Variants in MGA observed in about 807,000 individuals in gnomAD.
The protein encoded by MGA is MAX gene-associated protein.
A neutral mutation model predicts 261.1 loss-of-function variants in MGA; 40 were observed. The ratio of observed to expected loss-of-function variants is 0.15; its 90% CI spans 0.12 to 0.20. MGA has a LOEUF of 0.20. Ranked by LOEUF, MGA falls within the 10% of genes least tolerant of loss-of-function variation. The probability of loss-of-function intolerance (pLI) is 1.00; values close to 1 mark genes in which losing one functional copy is unlikely to be tolerated. For synonymous variants in MGA, 1,302 were observed against 1,290.6 expected (o/e 1.01, Z -0.19); for missense variants, 3,397 against 3,630.5 (o/e 0.94, Z 1.65).
chr15:41,732,418 G>A (rs546646052), intron 11 of MGA, among the ~76,000 whole-genome samples: 39 of 152,238 alleles, frequency 2.6e-4, no homozygotes, highest in African/African-American at 8.9e-4. Flanking sequence ...AAAGTGCTGG[G>A]ATTACCCACG....
In MGA at chr15:41,742,722, C is replaced by G. The variant is rs368677841; in HGVS notation, c.4762C>G (p.Gln1588Glu). Reference sequence around the variant, plus strand: ...ACCTGTGGTTTCTTCTGAGCCAGTTCAGGTGTGCAGCCCTGTGACTGCTGC... The same window carrying G: ...ACCTGTGGTTTCTTCTGAGCCAGTTGAGGTGTGCAGCCCTGTGACTGCTGC... The change falls in exon 15 of 24, where the codon CAG (glutamine) becomes GAG (glutamate). Residue 1588 changes from glutamine to glutamate, a missense_variant. Physicochemically the swap from Gln to Glu is conservative, Grantham distance 29. Coordinates refer to ENST00000219905, the MANE Select transcript of MGA (RefSeq NM_001164273.2). The G allele has an allele frequency of 2.5e-6, 4 of 1,614,016 alleles. No individual in the cohort carries two copies. Among genetic ancestry groups the G allele is most frequent in the Non-Finnish European group, 3.4e-6 (4 of 1,179,892 alleles).
rs772426338 is a variant in MGA, at chr15:41,749,250, T to C, written c.5643T>C (p.Thr1881=). ...CTTCTTCAGCAGTGAATGTTATCAC[T>C]CAGGCACCATCATTGCTTTCCTCTG... Residue 1881 remains threonine, a synonymous_variant, in exon 17 of 24, where the codon ACT becomes ACC. Coordinates refer to ENST00000219905, the MANE Select transcript of MGA (RefSeq NM_001164273.2). The C allele has an allele frequency of 5.0e-6, 8 of 1,614,052 alleles. No individual in the cohort carries two copies. Among genetic ancestry groups the C allele is most frequent in the South Asian group, 1.1e-5 (1 of 91,084 alleles).
intron 2 of MGA, among the ~76,000 whole-genome samples, chr15:41,688,086 T>G (rs1334831386): frequency 6.6e-6 from 1 of 152,186 alleles, no homozygotes; most frequent in Non-Finnish European, 1.5e-5. Context: ...ATAAAACTAT[T>G]TTATTTTGAG....
At chr15:41,704,755 T>A (rs1211813057) in intron 5 of MGA, among the ~76,000 whole-genome samples, 1 of 152,270 alleles carries the variant, frequency 6.6e-6, no homozygotes, top group African/African-American at 2.4e-5. Context: ...TAGGTGTTTA[T>A]AGAACTATAA....
chr15:41,699,479 G>A (rs1234361880), intron 5 of MGA, among the ~76,000 whole-genome samples: 1 of 143,004 alleles, frequency 7.0e-6, no homozygotes, highest in African/African-American at 2.5e-5. Context: ...ATCTTAATTT[G>A]GTTGCTTTTG....
In MGA at chr15:41,711,153, T is replaced by C. The variant is rs748257627; in HGVS notation, c.2888T>C (p.Ile963Thr). The stretch of plus-strand genomic sequence containing the variant: ...GTTGTGCCAACTTTGGATGAAAATA[T>C]ATTTCCAAAGCAGATTAGTTTGCGG... Residue 963 changes from isoleucine to threonine, a missense_variant, in exon 8 of 24, where the codon ATA (isoleucine) becomes ACA (threonine). By Grantham distance (89) the Ile-to-Thr change is moderately conservative (BLOSUM62 -1). Around this residue, in one of 9 missense-constraint regions of MGA, gnomAD observed 519 missense variants for 554.1 expected, o/e 0.94. Coordinates refer to ENST00000219905, the MANE Select transcript of MGA (RefSeq NM_001164273.2). 2.4e-4 allele frequency: 383 copies of C among 1,613,900 alleles called. No homozygotes were observed. Among genetic ancestry groups the C allele is most frequent in the Non-Finnish European group, 3.1e-4 (368 of 1,179,916 alleles).
chr15:41,651,372 A>G (rs1181992237), intron 1 of MGA, among the ~76,000 whole-genome samples: 3 of 152,186 alleles, frequency 2.0e-5, no homozygotes, highest in Non-Finnish European at 4.4e-5. Flanking sequence ...AGGCAGCCCT[A>G]TCTCCAAATT....
intron 5 of MGA, 60 bp downstream of exon 5, chr15:41,699,219 C>G (rs76415140): frequency 9.0e-7 from 1 of 1,111,750 alleles, no homozygotes; most frequent in East Asian, 2.7e-5. Flanking sequence ...CCTACTGTTT[C>G]TCCTCTTTTT....
intron 1 of MGA, among the ~76,000 whole-genome samples, chr15:41,668,485 C>A (rs1226755366): frequency 5.3e-5 from 8 of 152,130 alleles, no homozygotes; most frequent in Admixed American, 3.3e-4. Flanking sequence ...TTTAAAAATG[C>A]ATAACCTTCA....
intron 14 of MGA, 22 bp downstream of exon 14, chr15:41,740,225 G>A (rs934267648): frequency 9.3e-6 from 15 of 1,611,032 alleles, no homozygotes; most frequent in Non-Finnish European, 1.2e-5. Flanking sequence ...TGTATGTATG[G>A]TTTGGAAAGG....
At chr15:41,656,694 G>T (rs984871651), upstream of MGA, among the ~76,000 whole-genome samples, 3 of 151,658 alleles carry the variant, frequency 2.0e-5, no homozygotes, top group Non-Finnish European at 2.9e-5. Flanking sequence ...TAACATTTCT[G>T]TCCTTCTTTT....
chr15:41,678,810 A>C (rs1267630627), intron 2 of MGA, among the ~76,000 whole-genome samples: 1 of 150,978 alleles, frequency 6.6e-6, no homozygotes, highest in Non-Finnish European at 1.5e-5. Flanking sequence ...TCCTTTTCCC[A>C]TTGAATGGTC....
In MGA at chr15:41,669,434, A is replaced by G. The variant is rs2057930055; in HGVS notation, c.540A>G (p.Lys180=). 6.2e-7 allele frequency: 1 copy of G among 1,613,702 alleles called. No homozygotes were observed. The highest frequency in any genetic ancestry group is 1.3e-5 in the African/African-American group (1 of 74,834). Residue 180 remains lysine (K), a synonymous_variant, in exon 2 of 24, where the codon AAA becomes AAG. Transcript: ENST00000219905. ...AACCAGTATCTTTCTATAAACTCAA[A>G]CTTACCAACAATACACTGGACCAAG... is the stretch of plus-strand genomic sequence containing the variant.
At chr15:41,659,129 G>A (rs916470505), upstream of MGA, among the ~76,000 whole-genome samples, 1 of 152,140 alleles carries the variant, frequency 6.6e-6, no homozygotes, top group Non-Finnish European at 1.5e-5. Flanking sequence ...CTTGCTGACC[G>A]TGCCTGACTT....
chr15:41,760,632 C>A, intron 20 of MGA, 103 bp downstream of exon 20: 2 of 1,154,474 alleles, frequency 1.7e-6, no homozygotes, highest in Non-Finnish European at 2.5e-6. Context: ...TGAAATAGAG[C>A]TGCTTAAATG....
chr15:41,677,372 C>T (rs1309183084), intron 2 of MGA, among the ~76,000 whole-genome samples: 3 of 152,168 alleles, frequency 2.0e-5, no homozygotes, highest in South Asian at 4.1e-4. Context: ...GAACTCCTGA[C>T]CTCAGGTGAT....
chr15:41,644,378 G>A (rs1428162914), intron 1 of MGA, among the ~76,000 whole-genome samples: 2 of 150,410 alleles, frequency 1.3e-5, no homozygotes, highest in African/African-American at 2.5e-5. Flanking sequence ...AAAGAAGGCC[G>A]GGTGTGGTGG....
chr15:41,734,450 C>G, intron 11 of MGA, 72 bp from the exon 12 acceptor site: 1 of 1,189,320 alleles, frequency 8.4e-7, no homozygotes, highest in Non-Finnish European at 1.2e-6. Context: ...AGATTTAATG[C>G]TTGTGTCCAA....
At chr15:41,675,311 C>CT (rs908375038) in intron 2 of MGA, among the ~76,000 whole-genome samples, 4 of 151,872 alleles carry the variant, frequency 2.6e-5, no homozygotes, top group African/African-American at 9.7e-5. Context: ...GTGGTATTGT[C>CT]TTTTTTGTTT....
Sources: gnomAD v4.1 joint callset for allele counts (sites outside exome capture counted in the v4.1 genomes callset) on GRCh38, gnomAD v4.1.1 for gene constraint, gnomAD v4.1.1 regional missense constraint, MANE v1.5 for transcripts, NCBI Gene and HGNC (gene_info 2026-07-23, HGNC 2026-07-21) for gene names.